The following NAIP variants were observed in gnomAD, a reference collection of about 807,000 sequenced individuals.
NAIP encodes the protein NLR family apoptosis inhibitory protein.
NAIP carries 15 observed loss-of-function variants against 23.0 expected under a neutral mutation model. That is an observed-to-expected ratio of 0.65 (90% CI 0.44 to 1.00). NAIP has a LOEUF of 1.00. Ranked by LOEUF, NAIP falls within the 50% of genes least tolerant of loss-of-function variation. The pLI is 0.00. For synonymous variants in NAIP, 100 were observed against 100.2 expected, an observed-to-expected ratio of 1.00 and a Z score of 0.01; for missense variants, 265 against 278.8, an observed-to-expected ratio of 0.95 and a Z score of 0.35.
At chr5:70,977,993 C>T (rs895549138) in intron 13 of NAIP, among the ~76,000 whole-genome samples, 8 of 111,260 alleles carry the variant, frequency 7.2e-5, no homozygotes, top group African/African-American at 1.4e-4. Context: ...GAGACTCTGT[C>T]TCAAAAAAAA....
chr5:71,008,825 A>G (rs1299752398), intron 5 of NAIP, among the ~76,000 whole-genome samples: 1 of 136,632 alleles, frequency 7.3e-6, no homozygotes, highest in Non-Finnish European at 1.5e-5. Flanking sequence ...AAAAAGAAAG[A>G]AAGAAAGAAA....
chr5:71,014,106 T>G (rs1429138879), intron 3 of NAIP, among the ~76,000 whole-genome samples: 1 of 150,372 alleles, frequency 6.7e-6, no homozygotes, highest in Non-Finnish European at 1.5e-5. Flanking sequence ...ATTCCTCCTT[T>G]TTTTTTTTTT....
In NAIP at chr5:70,978,773, T is replaced by G. The variant is rs550791016; in HGVS notation, c.3442+1096A>C. On this transcript the variant is annotated intron_variant, in intron 13 of 16. Coordinates refer to ENST00000517649, the MANE Select transcript of NAIP (RefSeq NM_004536.3). The stretch of plus-strand genomic sequence containing the variant: ...ACAAATTATTTTGGAGTGGCAACAT[T>G]ATATTAGGGATTTCTTTCTTTTTTT... Among the ~76,000 whole-genome samples the G allele has an allele frequency of 1.0e-3, 58 of 56,566 alleles. 1 individual carries two copies. The highest frequency in any genetic ancestry group is 1.5e-3 in the Non-Finnish European group (50 of 34,344). 37.1% of individuals were successfully genotyped at this position (56,566 alleles called of 152,430 possible). A position where few individuals can be genotyped will look rare whatever the true frequency, so the allele number is the denominator to read the frequency against.
At chr5:71,011,882 C>G (rs552998834) in intron 4 of NAIP, 3 of 265,050 alleles carry the variant, frequency 1.1e-5, no homozygotes, top group Non-Finnish European at 2.3e-5. Flanking sequence ...AGTAAATGAT[C>G]GTTGTTATTG....
At position 71,017,503 on chromosome 5, in the gene NAIP, A is replaced by G. The variant is rs1489218180; in HGVS notation, c.-4+3156T>C. ...TGTAATCCCAGCACTTTGGGAGGCT[A>G]AGGTGGGAGGATTGCTTGAGCCCAG... On this transcript the variant is annotated intron_variant, in intron 3 of 16. Coordinates refer to ENST00000517649, the MANE Select transcript of NAIP (RefSeq NM_004536.3). 7.8e-5 allele frequency among the ~76,000 whole-genome samples: 9 copies of G among 115,572 alleles called. No homozygotes were observed. In the Admixed American group the frequency reaches 8.0e-4, roughly 10 times the overall value. 75.8% of individuals were successfully genotyped at this position (115,572 alleles called of 152,430 possible).
chr5:71,011,961 A>T (rs1476289130), intron 4 of NAIP, among the ~76,000 whole-genome samples: 2 of 151,462 alleles, frequency 1.3e-5, no homozygotes, highest in Non-Finnish European at 2.9e-5. Context: ...ACCCTCCAAT[A>T]CTGCAGCAAT....
At chr5:71,008,216 C>T (rs1436959841) in intron 5 of NAIP, among the ~76,000 whole-genome samples, 1 of 149,778 alleles carries the variant, frequency 6.7e-6, no homozygotes. Context: ...GTTACAGGTG[C>T]CTGCCACCAC....
intron 3 of NAIP, among the ~76,000 whole-genome samples, chr5:71,013,865 C>T (rs956660968): frequency 2.6e-5 from 4 of 151,190 alleles, no homozygotes; most frequent in African/African-American, 9.7e-5. Context: ...GTAATCTCTT[C>T]GAAGTTCCCA....
In NAIP at chr5:71,011,275, T is replaced by G. The variant is rs759387230; in HGVS notation, c.668A>C (p.Lys223Thr). The change falls in exon 5 of 17, where the codon AAA becomes ACA. Residue 223 changes from lysine to threonine, a missense_variant and splice_region_variant. This residue lies in a region of NAIP where 4 missense variants were observed against 19.6 expected (regional missense o/e 0.20). Coordinates refer to ENST00000517649, the MANE Select transcript of NAIP (RefSeq NM_004536.3). ...ATTTAAGCAAAAATTATCTACTTAC[T>G]TGGGGAACCATTTGGCATGTTCCTT... ...PWKEHAKWFP[K>T]CEFLRSKKSS... is the part of the protein sequence containing the mutation. The G allele has an allele frequency of 6.3e-7, 1 of 1,578,488 alleles. No individual in the cohort carries two copies. Among genetic ancestry groups the G allele is most frequent in the Admixed American group, 1.9e-5 (1 of 53,832 alleles).
chr5:70,978,005 AAAG>A (rs1267281889), intron 13 of NAIP, among the ~76,000 whole-genome samples: 3 of 123,494 alleles, frequency 2.4e-5, no homozygotes, highest in African/African-American at 5.4e-5. Context: ...CAAAAAAAAA[AAAG>A]AAACATAAAA....
rs539807312 is a variant in NAIP, at chr5:71,014,721, G to A, written c.-3-1803C>T. On this transcript the variant is annotated intron_variant, in intron 3 of 16. Coordinates refer to ENST00000517649, the MANE Select transcript of NAIP (RefSeq NM_004536.3). ...AGTTCAAGACCAGCCTGGCCCACAT[G>A]GTGAAACCCCATCTCTACAAAAATA... 4.6e-5 allele frequency among the ~76,000 whole-genome samples: 7 copies of A among 151,250 alleles called. No individual in the cohort carries two copies. The South Asian group carries it at 1.5e-3, about 32-fold the overall frequency.
At chr5:71,008,128 G>A (rs1750958166) in intron 5 of NAIP, among the ~76,000 whole-genome samples, 1 of 139,818 alleles carries the variant, frequency 7.2e-6, no homozygotes, top group Non-Finnish European at 1.6e-5. Flanking sequence ...GGAGTGCAGT[G>A]GTGCGATCTC....
At chr5:71,010,777 A>T in intron 5 of NAIP, among the ~76,000 whole-genome samples, 1 of 151,554 alleles carries the variant, frequency 6.6e-6, no homozygotes, top group Non-Finnish European at 1.5e-5. Context: ...AAATACTTAA[A>T]AACTGTTTAA....
At chr5:71,014,836 G>A (rs1751358443) in intron 3 of NAIP, among the ~76,000 whole-genome samples, 2 of 151,590 alleles carry the variant, frequency 1.3e-5, no homozygotes, top group African/African-American at 4.8e-5. Context: ...CTGGGAGGCA[G>A]AGGTTGCAGT....
At chr5:71,002,349 A>ATTT (rs1358622347) in intron 6 of NAIP, among the ~76,000 whole-genome samples, 22 of 26,638 alleles carry the variant, frequency 8.3e-4, no homozygotes, top group Admixed American at 1.2e-3. Flanking sequence ...CACCCGGCTA[A>ATTT]TTTTTTTTTT....
At chr5:71,008,839 G>A (rs1397069825) in intron 5 of NAIP, among the ~76,000 whole-genome samples, 330 of 125,574 alleles carry the variant, frequency 2.6e-3, no homozygotes, top group African/African-American at 0.011. Context: ...AAAGAAAATA[G>A]AATCTGAGCC....
At chr5:71,011,208 G>C (rs930479836) in intron 5 of NAIP, 67 bp downstream of exon 5, 1 of 1,216,490 alleles carries the variant, frequency 8.2e-7, no homozygotes, top group Non-Finnish European at 1.2e-6. Flanking sequence ...ACTCCAGCCT[G>C]GGTGGCAGAG....
chr5:71,008,729 A>G (rs1448363521), intron 5 of NAIP, among the ~76,000 whole-genome samples: 1 of 74,172 alleles, frequency 1.3e-5, no homozygotes, highest in Non-Finnish European at 2.4e-5. Flanking sequence ...GCTTGAACCC[A>G]GGAGGCAGAG....
At chr5:70,978,130 C>CACACACATATAT (rs1342843444) in intron 13 of NAIP, among the ~76,000 whole-genome samples, 1 of 35,392 alleles carries the variant, frequency 2.8e-5, no homozygotes, top group African/African-American at 7.6e-5. Flanking sequence ...CACACACACA[C>CACACACATATAT]ATATATATAT....
Sources: gnomAD v4.1 joint callset for allele counts (sites outside exome capture counted in the v4.1 genomes callset) on GRCh38, gnomAD v4.1.1 for gene constraint, gnomAD v4.1.1 regional missense constraint, MANE v1.5 for transcripts, NCBI Gene and HGNC (gene_info 2026-07-23, HGNC 2026-07-21) for gene names.